Variants in FMNL3 observed in about 807,000 individuals in gnomAD.
FMNL3 encodes the protein formin-like protein 3.
FMNL3 carries 57 observed loss-of-function variants against 119.6 expected under a neutral mutation model. That is an observed-to-expected ratio of 0.48 (90% CI 0.39 to 0.59). The LOEUF is 0.59. FMNL3 is among the 20% of genes least tolerant of loss of function. FMNL3 has a pLI of 0.00. For synonymous variants in FMNL3, 491 were observed against 507.3 expected, an observed-to-expected ratio of 0.97 and a Z score of 0.43; for missense variants, 1,053 against 1,323.5, an observed-to-expected ratio of 0.80 and a Z score of 3.17.
intron 4 of FMNL3, among the ~76,000 whole-genome samples, chr12:49,665,208 G>C (rs1055277069): frequency 1.3e-5 from 2 of 150,562 alleles, no homozygotes; most frequent in African/African-American, 4.9e-5. Context: ...AGCAATTCCT[G>C]GTTTCCCACT....
rs1456557623 is a variant in FMNL3 at position 49,662,013 on chromosome 12, G to A, written c.405C>T (p.Gly135=). The change falls in exon 5 of 26, where the codon GGC becomes GGT. Residue 135 remains glycine (G), a synonymous_variant. Transcript: ENST00000335154. ...VREFLNDENK[G]LDVLVDYLSF... is the part of the protein sequence containing the mutation. Reference sequence around the variant, plus strand: ...ACAGGTAATCCACCAGTACATCCAGGCCTTTGTTTTCATCATTCAGAAATT... The same window carrying A: ...ACAGGTAATCCACCAGTACATCCAGACCTTTGTTTTCATCATTCAGAAATT... 2.5e-6 allele frequency: 4 copies of A among 1,614,128 alleles called. No homozygotes were observed. Among genetic ancestry groups the A allele is most frequent in the Non-Finnish European group, 2.5e-6 (3 of 1,180,034 alleles).
At chr12:49,656,718 C>T in intron 8 of FMNL3, 105 bp downstream of exon 8, 7 of 1,169,990 alleles carry the variant, frequency 6.0e-6, no homozygotes, top group Non-Finnish European at 8.8e-6. Flanking sequence ...AACCAAGGCT[C>T]TTGACAGGAC....
In FMNL3 at chr12:49,644,254, C is replaced by G; in HGVS notation, c.*1561G>C. On this transcript the variant is annotated 3_prime_UTR_variant, in exon 26 of 26. Transcript: ENST00000335154. ...GCCATGGCTCCTGGGCCACCCTCAC[C>G]GTCTGCCTCAGACTTCTTCCTTAGT... The G allele has an allele frequency of 6.4e-7, 1 of 1,569,446 alleles. No homozygotes were observed. Among genetic ancestry groups the G allele is most frequent in the South Asian group, 1.1e-5 (1 of 89,568 alleles).
chr12:49,649,217 GC>G lies in FMNL3; in HGVS notation c.2385+41del, dbSNP rs760712791. 5 of 1,613,232 alleles carry G rather than the reference GC, an allele frequency of 3.1e-6. No homozygotes were observed. In the East Asian group the frequency reaches 8.9e-5, roughly 29 times the overall value. On this transcript the variant is annotated intron_variant, in intron 20 of 25. Coordinates refer to ENST00000335154, the MANE Select transcript of FMNL3 (RefSeq NM_175736.5). This position sits in a 1 kb window ranked among gnomAD's most constrained non-coding sequence, Gnocchi z 5.6. ...TAAGCACTCTGGCTCCACAACTGCT[GC>G]CCCCCAGGCTTCCTGGCCCACGCTG...
chr12:49,697,560 C>T (rs1002921968), intron 1 of FMNL3, among the ~76,000 whole-genome samples: 3 of 152,148 alleles, frequency 2.0e-5, no homozygotes, highest in African/African-American at 7.2e-5. Flanking sequence ...GCCTAGCACT[C>T]CCAGTCAGTA....
At chr12:49,697,166 A>C (rs1944772731) in intron 1 of FMNL3, among the ~76,000 whole-genome samples, 1 of 152,178 alleles carries the variant, frequency 6.6e-6, no homozygotes, top group African/African-American at 2.4e-5. Flanking sequence ...GGCTTGAGTA[A>C]CTGACCAGGG....
chr12:49,655,897 G>A (rs1943553504), intron 9 of FMNL3, among the ~76,000 whole-genome samples: 1 of 152,126 alleles, frequency 6.6e-6, no homozygotes, highest in African/African-American at 2.4e-5. Context: ...AGGGGCTGGG[G>A]GAAATTCCAC....
chr12:49,671,112 G>A (rs542279379), intron 1 of FMNL3, among the ~76,000 whole-genome samples: 1 of 152,228 alleles, frequency 6.6e-6, no homozygotes, highest in African/African-American at 2.4e-5. Context: ...TCCTGTCTAT[G>A]CCAACTTCCT....
chr12:49,643,344 G>A lies in FMNL3; in HGVS notation c.*2471C>T, dbSNP rs114821665. 12 of 1,604,830 alleles carry A rather than the reference G, an allele frequency of 7.5e-6. No homozygotes were observed. Among genetic ancestry groups the A allele is most frequent in the Admixed American group, 1.7e-5 (1 of 58,052 alleles). On this transcript the variant is annotated 3_prime_UTR_variant, in exon 26 of 26. Transcript: ENST00000335154. ...TCCTCACTTGATTCAGTTGAAAGTG[G>A]GGGTGCTGCCCTTGGAGGACGGGGC...
At chr12:49,671,614 A>G (rs958543326) in intron 1 of FMNL3, among the ~76,000 whole-genome samples, 12 of 152,160 alleles carry the variant, frequency 7.9e-5, no homozygotes, top group Non-Finnish European at 2.9e-5. Flanking sequence ...TCTACCTGAT[A>G]ATGTGTGTGA....
intron 11 of FMNL3, 77 bp downstream of exon 11, chr12:49,654,115 A>T: frequency 1.4e-6 from 2 of 1,410,244 alleles, no homozygotes; most frequent in African/African-American, 1.4e-5. Context: ...TTAGGCACTT[A>T]TAAAAGAAAA....
At chr12:49,676,170 T>A (rs1197723007) in intron 1 of FMNL3, among the ~76,000 whole-genome samples, 1 of 152,172 alleles carries the variant, frequency 6.6e-6, no homozygotes, top group East Asian at 1.9e-4. Flanking sequence ...CTTCTCCTCC[T>A]CCTCCTTAGT....
Position 49,703,940 on chromosome 12 carries a change from C to A in FMNL3, c.126+3115G>T, listed in dbSNP as rs1464007794. On this transcript the variant is annotated intron_variant, in intron 1 of 25. Transcript: ENST00000335154. ...GCCATATTCCGAGACTGGATATACA[C>A]AACAGGGTAATTGGTTTTATCAGAT... is the stretch of plus-strand genomic sequence containing the variant. 2.0e-5 allele frequency among the ~76,000 whole-genome samples: 3 copies of A among 152,198 alleles called. No individual in the cohort carries two copies. The East Asian group carries it at 5.8e-4, about 29-fold the overall frequency.
chr12:49,669,392 A>G (rs1943980016), intron 1 of FMNL3, among the ~76,000 whole-genome samples: 1 of 152,214 alleles, frequency 6.6e-6, no homozygotes, highest in Admixed American at 6.5e-5. Flanking sequence ...GTACGAGAGA[A>G]TGAGTGAGTG....
intron 4 of FMNL3, 96 bp downstream of exon 4, chr12:49,665,736 T>A: frequency 7.7e-7 from 1 of 1,301,530 alleles, no homozygotes; most frequent in Non-Finnish European, 1.1e-6. Flanking sequence ...GCAGGGAAGA[T>A]GAACAGGAAC....
Position 49,644,255 on chromosome 12 carries a change from G to A in FMNL3, c.*1560C>T, listed in dbSNP as rs559020449. On this transcript the variant is annotated 3_prime_UTR_variant, in exon 26 of 26. Coordinates refer to ENST00000335154, the MANE Select transcript of FMNL3 (RefSeq NM_175736.5). ...CCATGGCTCCTGGGCCACCCTCACC[G>A]TCTGCCTCAGACTTCTTCCTTAGTC... 9.2e-5 allele frequency: 144 copies of A among 1,562,682 alleles called. No homozygotes were observed. The African/African-American group carries it at 1.7e-3, about 18-fold the overall frequency.
intron 1 of FMNL3, among the ~76,000 whole-genome samples, chr12:49,678,159 G>A (rs1481650999): frequency 6.7e-6 from 1 of 149,164 alleles, no homozygotes; most frequent in Admixed American, 6.7e-5. Context: ...ACCGTGCCCG[G>A]CCTATTTTAT....
At chr12:49,674,916 A>T (rs746211593) in intron 1 of FMNL3, among the ~76,000 whole-genome samples, 4 of 152,242 alleles carry the variant, frequency 2.6e-5, no homozygotes, top group Non-Finnish European at 5.9e-5. Flanking sequence ...CAGGGAAGTC[A>T]GATGAAGGAG....
At chr12:49,688,708 T>C (rs1944529090) in intron 1 of FMNL3, 2 of 332,800 alleles carry the variant, frequency 6.0e-6, no homozygotes, top group South Asian at 2.5e-5. Flanking sequence ...ACAGTAGTGG[T>C]AGTACAGATA....
Sources: gnomAD v4.1 joint callset for allele counts (sites outside exome capture counted in the v4.1 genomes callset) on GRCh38, gnomAD v4.1.1 for gene constraint, Gnocchi (gnomAD v3.1) non-coding constraint, MANE v1.5 for transcripts, NCBI Gene and HGNC (gene_info 2026-07-23, HGNC 2026-07-21) for gene names.